The following COPG2 variants were observed in gnomAD, a reference collection of about 807,000 sequenced individuals.
COPG2 encodes coatomer subunit gamma-2.
COPG2 carries 37 observed loss-of-function variants against 46.3 expected under a neutral mutation model. The observed-to-expected ratio is 0.80, with a 90% CI of 0.61 to 1.05. The LOEUF (loss-of-function observed/expected upper bound fraction) is 1.05. Ranked by LOEUF, COPG2 falls within the 50% of genes least tolerant of loss-of-function variation. The pLI is 0.00. For missense variants in COPG2, 427 were observed against 387.8 expected (o/e 1.10, Z -0.85); for synonymous variants, 159 against 129.7 (o/e 1.23, Z -1.53).
In COPG2 at chr7:130,667,503, C is replaced by G; in HGVS notation, c.69G>C (p.Glu23Asp). 1.2e-6 allele frequency: 2 copies of G among 1,613,706 alleles called. No individual in the cohort carries two copies. The highest frequency in any genetic ancestry group is 1.7e-6 in the Non-Finnish European group (2 of 1,179,702). The change falls in exon 2 of 24, where the codon GAG becomes GAC. Residue 23 changes from glutamate (E) to aspartate (D), a missense_variant. Glu to Asp is a conservative substitution (Grantham distance 45). Coordinates refer to ENST00000425248, the MANE Select transcript of COPG2 (RefSeq NM_012133.6). ...ATACCTCCTGTAAAACAGCACTCTT[C>G]TCCAGATGCTGGAAAGGATTGGAGC... ...GSGSNPFQHL[E>D]KSAVLQEARI...
chr7:130,662,943 T>A (rs1796007482), intron 4 of COPG2, 24 bp downstream of exon 4: 5 of 1,431,238 alleles, frequency 3.5e-6, no homozygotes, highest in Non-Finnish European at 4.7e-6. Context: ...TTTTTCATCG[T>A]AAAAAAAATT....
chr7:130,667,764 T>C (rs1554461689), intron 1 of COPG2, among the ~76,000 whole-genome samples: 2 of 152,154 alleles, frequency 1.3e-5, no homozygotes, highest in Non-Finnish European at 1.5e-5. Flanking sequence ...CCAAAATGAG[T>C]GTCTTCTTTC....
intron 5 of COPG2, among the ~76,000 whole-genome samples, chr7:130,643,715 T>C (rs1554457665): frequency 6.6e-6 from 1 of 152,148 alleles, no homozygotes; most frequent in East Asian, 1.9e-4. Flanking sequence ...CCCAGCACTT[T>C]GGGAGGCCAA....
At chr7:130,577,155 G>T (rs1049971541) in intron 9 of COPG2, among the ~76,000 whole-genome samples, 2 of 152,216 alleles carry the variant, frequency 1.3e-5, no homozygotes, top group Non-Finnish European at 2.9e-5. Context: ...CAGAATGATT[G>T]AGAAGGAGGA....
chr7:130,638,668 TG>T, intron 5 of COPG2, among the ~76,000 whole-genome samples: 1 of 152,080 alleles, frequency 6.6e-6, no homozygotes, highest in South Asian at 2.1e-4. Context: ...CTGGGCTCCG[TG>T]GGGGTGGGAT....
intron 5 of COPG2, among the ~76,000 whole-genome samples, chr7:130,620,047 A>C (rs1795011557): frequency 6.6e-6 from 1 of 152,240 alleles, no homozygotes; most frequent in African/African-American, 2.4e-5. Flanking sequence ...TTATTGGAAT[A>C]CAGTATGCTA....
rs917299639 is a variant in COPG2, at chr7:130,538,088, G to T, written c.2149+9586C>A. Among the ~76,000 whole-genome samples, 4 of 152,200 alleles carry T rather than the reference G, an allele frequency of 2.6e-5. 1 individual carries two copies. The highest frequency in any genetic ancestry group is 3.9e-4 in the East Asian group (2 of 5,176). The stretch of plus-strand genomic sequence containing the variant: ...GGAAGCTGGCAGTGGTGTCATCAGT[G>T]GGGGCAGGGCAGGAAGGGGTCAGAG... On this transcript the variant is annotated intron_variant, in intron 20 of 23. Transcript: ENST00000425248.
chr7:130,513,034 C>G (rs1799619278), intron 20 of COPG2, among the ~76,000 whole-genome samples: 1 of 151,590 alleles, frequency 6.6e-6, no homozygotes, highest in Non-Finnish European at 1.5e-5. Context: ...GCCTGTAATC[C>G]CAGCACTTCA....
At chr7:130,520,646 T>TC (rs1799716292) in intron 20 of COPG2, among the ~76,000 whole-genome samples, 1 of 152,248 alleles carries the variant, frequency 6.6e-6, no homozygotes, top group Non-Finnish European at 1.5e-5. Context: ...GCTGATAGGC[T>TC]CATTCCCTAT....
intron 6 of COPG2, among the ~76,000 whole-genome samples, chr7:130,613,845 G>C (rs1222851997): frequency 6.6e-6 from 1 of 152,166 alleles, no homozygotes; most frequent in East Asian, 1.9e-4. Context: ...GAACATTTAA[G>C]ATTATATATA....
intron 20 of COPG2, among the ~76,000 whole-genome samples, chr7:130,531,353 A>T (rs1356927410): frequency 1.3e-5 from 2 of 152,088 alleles, no homozygotes; most frequent in African/African-American, 4.8e-5. Flanking sequence ...GTAGGGTGCA[A>T]GGTCAAGGTA....
intron 5 of COPG2, among the ~76,000 whole-genome samples, chr7:130,638,657 G>C (rs1283538777): frequency 1.3e-5 from 2 of 152,170 alleles, no homozygotes; most frequent in Non-Finnish European, 2.9e-5. Flanking sequence ...ATCTTAGCTT[G>C]CTGGGCTCCG....
At chr7:130,569,451 A>C (rs1793857542) in intron 9 of COPG2, among the ~76,000 whole-genome samples, 1 of 152,150 alleles carries the variant, frequency 6.6e-6, no homozygotes, top group Non-Finnish European at 1.5e-5. Context: ...AAACCAGAAA[A>C]TCTAGAGGTG....
chr7:130,536,956 G>A (rs997543241), intron 20 of COPG2, among the ~76,000 whole-genome samples: 1,995 of 149,064 alleles, frequency 0.013, 51 homozygotes, highest in African/African-American at 0.047. Flanking sequence ...GAAGGAGAGC[G>A]TCTTGAAGAC....
intron 1 of COPG2, among the ~76,000 whole-genome samples, chr7:130,668,350 G>C (rs1796133523): frequency 6.6e-6 from 1 of 150,748 alleles, no homozygotes; most frequent in Admixed American, 6.6e-5. Flanking sequence ...CGCAGGGGAG[G>C]AGGCGGCTCG....
rs1321644224 is a variant in COPG2 at position 130,585,808 on chromosome 7, C to A, written c.738-21415G>T. On this transcript the variant is annotated intron_variant, in intron 9 of 23. Transcript: ENST00000425248. ...CAAGAATGGCCACAATCAAAAAAAT[C>A]AAAAAACAGTACATGTTGGCATGGA... is the stretch of plus-strand genomic sequence containing the variant. Among the ~76,000 whole-genome samples, 5 of 151,836 alleles carry A rather than the reference C, an allele frequency of 3.3e-5. No homozygotes were observed. The South Asian group carries it at 6.2e-4, about 19-fold the overall frequency.
At chr7:130,610,006 T>C in intron 9 of COPG2, 1 of 504,014 alleles carries the variant, frequency 2.0e-6, no homozygotes, top group South Asian at 1.5e-5. Context: ...AGTCACTGCC[T>C]AGTAATTTCT....
intron 20 of COPG2, among the ~76,000 whole-genome samples, chr7:130,541,185 C>T (rs924202602): frequency 5.9e-5 from 9 of 152,050 alleles, no homozygotes; most frequent in African/African-American, 2.2e-4. Flanking sequence ...TGGATGTAGC[C>T]GAAAAGGCAC....
chr7:130,659,476 T>C (rs1030778983), intron 4 of COPG2, among the ~76,000 whole-genome samples: 1 of 151,632 alleles, frequency 6.6e-6, no homozygotes, highest in Non-Finnish European at 1.5e-5. Flanking sequence ...ATAGGTAAAA[T>C]GTGGGAACAA....
Sources: allele counts gnomAD v4.1 joint callset (sites outside exome capture counted in the v4.1 genomes callset), GRCh38; gene constraint gnomAD v4.1.1; transcripts MANE v1.5; gene names NCBI Gene and HGNC (gene_info 2026-07-23, HGNC 2026-07-21).